Variants in RNF217 observed in about 807,000 individuals in gnomAD.
The protein encoded by RNF217 is ring finger protein 217.
RNF217 carries 31 observed loss-of-function variants against 57.8 expected under a neutral mutation model. That is an observed-to-expected ratio of 0.54 (90% CI 0.40 to 0.72). The LOEUF (loss-of-function observed/expected upper bound fraction) is 0.72, where lower values mean the gene tolerates loss of function less well. Ranked by LOEUF, RNF217 falls within the 30% of genes least tolerant of loss-of-function variation. The pLI, the probability that RNF217 is intolerant of heterozygous loss-of-function variation, is 0.00. For missense variants in RNF217, 696 were observed against 708.3 expected (o/e 0.98, Z 0.20); for synonymous variants, 313 against 294.0 (o/e 1.06, Z -0.66).
chr6:124,982,094 AG>A (rs1256813305), intron 1 of RNF217, among the ~76,000 whole-genome samples: 169 of 140,306 alleles, frequency 1.2e-3, no homozygotes, highest in Non-Finnish European at 2.4e-3. Context: ...ATTGTGAGGG[AG>A]GTATGTAGCT....
intron 1 of RNF217, among the ~76,000 whole-genome samples, chr6:124,983,945 C>T (rs551729050): frequency 2.0e-5 from 3 of 152,250 alleles, no homozygotes; most frequent in South Asian, 4.1e-4. Flanking sequence ...ATGCATGGCA[C>T]CTTCTATGCA....
chr6:125,062,107 T>G (rs1311594527), intron 3 of RNF217, among the ~76,000 whole-genome samples: 2 of 152,076 alleles, frequency 1.3e-5, no homozygotes, highest in African/African-American at 4.8e-5. Context: ...AATTCTGTAC[T>G]TACACTGGTG....
At chr6:124,979,965 C>T (rs186817601) in intron 1 of RNF217, among the ~76,000 whole-genome samples, 4 of 152,246 alleles carry the variant, frequency 2.6e-5, no homozygotes, top group Admixed American at 2.6e-4. Flanking sequence ...GTTGGAAGTG[C>T]ATTGTCTTTA....
intron 3 of RNF217, among the ~76,000 whole-genome samples, chr6:125,069,215 C>CAG (rs1431391124): frequency 6.6e-6 from 1 of 152,168 alleles, no homozygotes; most frequent in African/African-American, 2.4e-5. Context: ...TTATTGCTAT[C>CAG]AGAGTGTTGG....
In RNF217 at chr6:125,090,188, A is replaced by G. The variant is rs1196218241; in HGVS notation, c.*7251A>G. 6.6e-6 allele frequency: 1 copy of G among 152,130 alleles called. No individual in the cohort carries two copies. Among genetic ancestry groups the G allele is most frequent in the Non-Finnish European group, 1.5e-5 (1 of 67,974 alleles). The allele number at this position is 152,130 out of a possible 1,614,324, so 9.4% of individuals were successfully genotyped here. On this transcript the variant is annotated 3_prime_UTR_variant, in exon 6 of 6. Transcript: ENST00000521654. The stretch of plus-strand genomic sequence containing the variant: ...AATAATAATTAGTTTGTATATATAT[A>G]AAACCATTTACCTTGACAAGGACAA...
Position 124,991,664 on chromosome 6 carries a change from T to C in RNF217, c.882+28238T>C, listed in dbSNP as rs151243798. 1.2e-4 allele frequency among the ~76,000 whole-genome samples: 19 copies of C among 152,348 alleles called. No homozygotes were observed. The East Asian group carries it at 3.7e-3, about 29-fold the overall frequency. On this transcript the variant is annotated intron_variant, in intron 1 of 5. Transcript: ENST00000521654. The stretch of plus-strand genomic sequence containing the variant: ...ATCAACAGACATTTGTTTTAAATAG[T>C]ATCTTGAAGACAATTTTGTAAATCA...
At chr6:124,983,853 ATTT>A (rs1784268454) in intron 1 of RNF217, among the ~76,000 whole-genome samples, 1 of 152,134 alleles carries the variant, frequency 6.6e-6, no homozygotes, top group Admixed American at 6.5e-5. Flanking sequence ...AATGACAGAA[ATTT>A]ATTGCTCACA....
intron 1 of RNF217, among the ~76,000 whole-genome samples, chr6:125,043,279 C>T (rs902032030): frequency 1.3e-5 from 2 of 151,974 alleles, no homozygotes; most frequent in Non-Finnish European, 2.9e-5. Flanking sequence ...GGCCTTTGCC[C>T]AAGTTGTCTC....
At chr6:125,026,151 T>C (rs1464309927) in intron 1 of RNF217, among the ~76,000 whole-genome samples, 2 of 152,168 alleles carry the variant, frequency 1.3e-5, no homozygotes, top group Non-Finnish European at 2.9e-5. Context: ...TTTGATGAAG[T>C]ACTTAAGAAT....
At chr6:125,074,297 G>GTAGGTAGA (rs1788267631) in intron 3 of RNF217, among the ~76,000 whole-genome samples, 1 of 144,766 alleles carries the variant, frequency 6.9e-6, no homozygotes, top group Non-Finnish European at 1.5e-5. Context: ...CAGAAGATAG[G>GTAGGTAGA]TAGATAGATA....
chr6:125,051,076 T>G (rs961493040), intron 2 of RNF217, among the ~76,000 whole-genome samples: 2 of 152,056 alleles, frequency 1.3e-5, no homozygotes, highest in Non-Finnish European at 2.9e-5. Flanking sequence ...GGCTGTTCTT[T>G]GTTTGCTTTT....
At chr6:125,040,554 A>G (rs1240210625) in intron 1 of RNF217, among the ~76,000 whole-genome samples, 1 of 152,136 alleles carries the variant, frequency 6.6e-6, no homozygotes, top group Admixed American at 6.5e-5. Flanking sequence ...ATTCCAAACA[A>G]TTGAAAAGGA....
chr6:125,014,752 A>T (rs1385249128), intron 1 of RNF217, among the ~76,000 whole-genome samples: 4 of 152,164 alleles, frequency 2.6e-5, no homozygotes, highest in Non-Finnish European at 4.4e-5. Flanking sequence ...TCTTCCCATG[A>T]ACTCATTTTT....
intron 3 of RNF217, among the ~76,000 whole-genome samples, chr6:125,064,930 G>C (rs1787877362): frequency 6.6e-6 from 1 of 151,880 alleles, no homozygotes; most frequent in South Asian, 2.1e-4. Context: ...AGTAGAATTA[G>C]CTTCTGAATA....
intron 2 of RNF217, chr6:125,046,537 G>T (rs1787106437): frequency 2.2e-6 from 1 of 454,862 alleles, no homozygotes; most frequent in Admixed American, 2.4e-5. Context: ...CCACAGTAGA[G>T]AATCTTTGCA....
At chr6:125,053,002 A>G (rs751776805) in intron 2 of RNF217, among the ~76,000 whole-genome samples, 1 of 152,082 alleles carries the variant, frequency 6.6e-6, no homozygotes, top group Non-Finnish European at 1.5e-5. Flanking sequence ...TGTTCAGGCT[A>G]CATTAGAACA....
intron 1 of RNF217, among the ~76,000 whole-genome samples, chr6:124,976,378 C>T (rs1783963575): frequency 6.6e-6 from 1 of 151,438 alleles, no homozygotes; most frequent in Non-Finnish European, 1.5e-5. Flanking sequence ...AAGCAATTCT[C>T]CTGCCTCAGC....
chr6:125,068,322 A>G (rs368915794), intron 3 of RNF217, among the ~76,000 whole-genome samples: 3 of 152,260 alleles, frequency 2.0e-5, no homozygotes, highest in South Asian at 4.1e-4. Flanking sequence ...TGTATTTAGA[A>G]TTCTCTCCCT....
rs192166303 is a variant in RNF217, at chr6:124,969,049, T to A, written c.882+5623T>A. Among the ~76,000 whole-genome samples, 1,205 of 152,296 alleles carry A rather than the reference T, an allele frequency of 7.9e-3. 6 individuals are homozygous for A. Among genetic ancestry groups the A allele is most frequent in the East Asian group, 0.016 (82 of 5,178 alleles). ...CTGATGGCATAAATAAGCTTTTTTT[T>A]AAAAAAGTTACTAGACAGCTATGGA... On this transcript the variant is annotated intron_variant, in intron 1 of 5. Coordinates refer to ENST00000521654, the MANE Select transcript of RNF217 (RefSeq NM_001286398.3).
Sources: allele counts gnomAD v4.1 joint callset (sites outside exome capture counted in the v4.1 genomes callset), GRCh38; gene constraint gnomAD v4.1.1; transcripts MANE v1.5; gene names NCBI Gene and HGNC (gene_info 2026-07-23, HGNC 2026-07-21).